The following MCM8 variants were observed in gnomAD, a reference collection of about 807,000 sequenced individuals.
The protein encoded by MCM8 is minichromosome maintenance 8 homologous recombination repair factor.
Under a neutral mutation model 98.9 loss-of-function variants are expected in MCM8, and 85 were observed. The observed-to-expected ratio is 0.86, with a 90% confidence interval of 0.72 to 1.03. The LOEUF (loss-of-function observed/expected upper bound fraction) is 1.03, where lower values mean the gene tolerates loss of function less well. Among genes scored for constraint, MCM8 ranks in the 50% least tolerant of loss-of-function variants. The pLI, the probability that MCM8 is intolerant of heterozygous loss-of-function variation, is 0.00. For missense variants in MCM8, 951 were observed against 997.8 expected (o/e 0.95, Z 0.63); for synonymous variants, 352 against 338.6 (o/e 1.04, Z -0.44).
rs1337958501 is a variant in MCM8 at position 5,995,373 on chromosome 20, A to G, written c.*982A>G. The G allele has an allele frequency of 6.6e-6, 1 of 152,230 alleles. No individual in the cohort carries two copies. Among genetic ancestry groups the G allele is most frequent in the Non-Finnish European group, 1.5e-5 (1 of 68,068 alleles). 9.4% of individuals were successfully genotyped at this position (152,230 alleles called of 1,614,324 possible). A position where few individuals can be genotyped will look rare whatever the true frequency, so the allele number is the denominator to read the frequency against. ...CCAGGAGGGTAAGCTTCCAGCAGCA[A>G]TTTGTAAAACCATGCCTTAGAATTG... On this transcript the variant is annotated 3_prime_UTR_variant, in exon 19 of 19. Transcript: ENST00000610722.
chr20:5,994,000 T>C (rs912879905), intron 18 of MCM8: 2 of 351,612 alleles, frequency 5.7e-6, no homozygotes, highest in Non-Finnish European at 1.0e-5. Context: ...ACTTCAAACA[T>C]GGGCTGTTAC....
chr20:5,953,438 GGTGTGT>G lies in MCM8; in HGVS notation c.253+938_253+943del, dbSNP rs11470045. 2.8e-3 allele frequency among the ~76,000 whole-genome samples: 411 copies of G among 146,192 alleles called. 3 individuals carry two copies. The highest frequency in any genetic ancestry group is 7.5e-3 in the African/African-American group (296 of 39,472). ...CATTTGTTTCTTATGTCTCATGAGG[GGTGTGT>G]GTGTGTGTGTGTGTGTGTGTGTGTG... On this transcript the variant is annotated intron_variant, in intron 3 of 18. Coordinates refer to ENST00000610722, the MANE Select transcript of MCM8 (RefSeq NM_032485.6).
intron 12 of MCM8, among the ~76,000 whole-genome samples, chr20:5,975,236 G>T (rs931012323): frequency 2.0e-5 from 3 of 151,576 alleles, no homozygotes; most frequent in Admixed American, 6.6e-5. Flanking sequence ...CCCAGCCTGG[G>T]CAATAGAGCA....
rs751189778 is a variant in MCM8, at chr20:5,985,016, C to A, written c.1953+16C>A. The A allele has an allele frequency of 2.5e-6, 4 of 1,597,694 alleles. No individual in the cohort carries two copies. In the East Asian group the frequency reaches 8.9e-5, roughly 36 times the overall value. On this transcript the variant is annotated intron_variant, in intron 15 of 18. Transcript: ENST00000610722. Reference sequence around the variant, plus strand: ...AAGACTAAAGGTATAAATGTTTCTTCTCCTTATTCAGTTTGGTTCTGTTTG... The same window carrying A: ...AAGACTAAAGGTATAAATGTTTCTTATCCTTATTCAGTTTGGTTCTGTTTG...
At chr20:5,977,137 A>T (rs2089528006) in intron 12 of MCM8, among the ~76,000 whole-genome samples, 1 of 152,268 alleles carries the variant, frequency 6.6e-6, no homozygotes, top group Admixed American at 6.5e-5. Flanking sequence ...TTATTGAGCC[A>T]GCAGCATAGG....
intron 8 of MCM8, 28 bp downstream of exon 8, chr20:5,963,387 G>A (rs200710884): frequency 6.4e-7 from 1 of 1,555,526 alleles, no homozygotes; most frequent in Non-Finnish European, 8.9e-7. Flanking sequence ...TACATAAAAG[G>A]CAGGCTTTAG....
At chr20:5,958,100 C>T (rs559351935) in intron 6 of MCM8, among the ~76,000 whole-genome samples, 4 of 152,240 alleles carry the variant, frequency 2.6e-5, no homozygotes, top group South Asian at 2.1e-4. Flanking sequence ...TGGCTGGGCA[C>T]GGTGGCTCAT....
At position 5,967,586 on chromosome 20, in the gene MCM8, A is replaced by G. The variant is rs1371425649; in HGVS notation, c.1026A>G (p.Glu342=). 6.2e-7 allele frequency: 1 copy of G among 1,610,430 alleles called. No individual in the cohort carries two copies. Among genetic ancestry groups the G allele is most frequent in the South Asian group, 1.1e-5 (1 of 90,678 alleles). ...TTGTCAAAGTCTCAAATGCGGAAGA[A>G]GGTAGGGTACAACTCTTTTCATTAT... ...TGIVKVSNAE[E]GSRNKNDKCM... Residue 342 remains glutamate (E), a splice_region_variant and synonymous_variant, in exon 9 of 19, where the codon GAA becomes GAG. Transcript: ENST00000610722.
At chr20:5,954,199 C>T (rs1017351138) in intron 3 of MCM8, among the ~76,000 whole-genome samples, 2 of 151,650 alleles carry the variant, frequency 1.3e-5, no homozygotes, top group African/African-American at 2.4e-5. Flanking sequence ...GTTGGTCTGT[C>T]TCCTGATCTC....
chr20:5,972,263 G>A (rs2089420439), intron 11 of MCM8, among the ~76,000 whole-genome samples: 1 of 151,048 alleles, frequency 6.6e-6, no homozygotes, highest in African/African-American at 2.4e-5. Flanking sequence ...AGAGTGTGAT[G>A]GCACAGTCAT....
intron 8 of MCM8, chr20:5,965,534 C>G (rs1425722553): frequency 6.6e-6 from 1 of 152,138 alleles, no homozygotes; most frequent in African/African-American, 2.4e-5. Flanking sequence ...GTAAATATAG[C>G]TCAACAAAGA....
rs1448354366 is a variant in MCM8, at chr20:5,977,920, C to G, written c.1440C>G (p.Asn480Lys). The change falls in exon 13 of 19, where the codon AAC becomes AAG. Residue 480 changes from asparagine to lysine, a missense_variant. Transcript: ENST00000610722. ...CACGTGGCGTGTATGTTTGTGGTAA[C>G]ACCACGACCACCTCTGGTCTGACGG... ...VAPRGVYVCG[N>K]TTTTSGLTVT... 6.2e-7 allele frequency: 1 copy of G among 1,614,098 alleles called. No individual in the cohort carries two copies. Among genetic ancestry groups the G allele is most frequent in the African/African-American group, 1.3e-5 (1 of 74,928 alleles).
In MCM8 at chr20:5,983,280, T is replaced by C. The variant is rs1434243744; in HGVS notation, c.1733+115T>C. 4 of 905,598 alleles carry C rather than the reference T, an allele frequency of 4.4e-6. No homozygotes were observed. In the African/African-American group the frequency reaches 5.1e-5, roughly 12 times the overall value. 56.1% of individuals were successfully genotyped at this position (905,598 alleles called of 1,614,324 possible). A position where few individuals can be genotyped will look rare whatever the true frequency, so the allele number is the denominator to read the frequency against. On this transcript the variant is annotated intron_variant, in intron 14 of 18. Transcript: ENST00000610722. Reference sequence around the variant, plus strand: ...AAACATGGATATTTCACAGAAGTTATAAATGTCCAATAAATGCACAAAAAT... The same window carrying C: ...AAACATGGATATTTCACAGAAGTTACAAATGTCCAATAAATGCACAAAAAT...
Position 5,994,668 on chromosome 20 carries a change from G to T in MCM8, c.*277G>T. On this transcript the variant is annotated 3_prime_UTR_variant, in exon 19 of 19. Coordinates refer to ENST00000610722, the MANE Select transcript of MCM8 (RefSeq NM_032485.6). ...AATCACAGTGACTCAGGAGGCTGAGGTGAGAGGATTCCTTGAGGCCAGGGT... is the reference window on the plus strand; with the variant it reads ...AATCACAGTGACTCAGGAGGCTGAGTTGAGAGGATTCCTTGAGGCCAGGGT... The T allele has an allele frequency of 2.1e-6, 1 of 483,844 alleles. No individual in the cohort carries two copies. The highest frequency in any genetic ancestry group is 3.9e-6 in the Non-Finnish European group (1 of 254,852). 30.0% of individuals were successfully genotyped at this position (483,844 alleles called of 1,614,324 possible).
rs2089197831 is a variant in MCM8 at position 5,963,373 on chromosome 20, CTG to C, written c.875+16_875+17del. 1 of 1,605,240 alleles carries C rather than the reference CTG, an allele frequency of 6.2e-7. No individual in the cohort carries two copies. The highest frequency in any genetic ancestry group is 8.5e-7 in the Non-Finnish European group (1 of 1,172,486). ...GCAGTCAATCAAGTAAGCGATCAGA[CTG>C]TTACATAAAAGGCAGGCTTTAGATG... is the stretch of plus-strand genomic sequence containing the variant. On this transcript the variant is annotated intron_variant, in intron 8 of 18. Coordinates refer to ENST00000610722, the MANE Select transcript of MCM8 (RefSeq NM_032485.6).
Position 5,984,999 on chromosome 20 carries a change from AGG to A in MCM8, c.1953_1953+1del. 1 of 1,610,596 alleles carries A rather than the reference AGG, an allele frequency of 6.2e-7. No individual in the cohort carries two copies. Among genetic ancestry groups the A allele is most frequent in the East Asian group, 2.2e-5 (1 of 44,846 alleles). On this transcript the variant is annotated splice_donor_variant and coding_sequence_variant, in exon 15 of 19. Transcript: ENST00000610722. LOFTEE classifies it high-confidence loss of function. Reference sequence around the variant, plus strand: ...GAGAAGCCATTATCAGAAAGACTAAAGGTATAAATGTTTCTTCTCCTTATTCA... The same window carrying A: ...GAGAAGCCATTATCAGAAAGACTAAATATAAATGTTTCTTCTCCTTATTCA...
chr20:5,951,125 G>T (rs1568564033), intron 1 of MCM8, 102 bp downstream of exon 1: 1 of 152,272 alleles, frequency 6.6e-6, no homozygotes, highest in East Asian at 1.9e-4. Flanking sequence ...ACTTCTTAAC[G>T]TTTTTTTGAA....
rs1018333384 is a variant in MCM8 at position 5,994,627 on chromosome 20, C to G, written c.*236C>G. On this transcript the variant is annotated 3_prime_UTR_variant, in exon 19 of 19. Coordinates refer to ENST00000610722, the MANE Select transcript of MCM8 (RefSeq NM_032485.6). Reference sequence around the variant, plus strand: ...TAAGAAGTGATAAAGTCTCCAGATGCAGTAGCTCACACTGTAATCACAGTG... The same window carrying G: ...TAAGAAGTGATAAAGTCTCCAGATGGAGTAGCTCACACTGTAATCACAGTG... 8.2e-6 allele frequency: 4 copies of G among 485,948 alleles called. No individual in the cohort carries two copies. The Admixed American group carries it at 1.3e-4, about 16-fold the overall frequency. 30.1% of individuals were successfully genotyped at this position (485,948 alleles called of 1,614,324 possible). A position where few individuals can be genotyped will look rare whatever the true frequency, so the allele number is the denominator to read the frequency against.
rs1568567892 is a variant in MCM8 at position 5,954,705 on chromosome 20, C to T, written c.336+15C>T. 2 of 1,455,880 alleles carry T rather than the reference C, an allele frequency of 1.4e-6. No homozygotes were observed. The highest frequency in any genetic ancestry group is 9.6e-7 in the Non-Finnish European group (1 of 1,038,316). The allele number at this position is 1,455,880 out of a possible 1,614,324, so 90.2% of individuals were successfully genotyped here. On this transcript the variant is annotated intron_variant, in intron 4 of 18. Coordinates refer to ENST00000610722, the MANE Select transcript of MCM8 (RefSeq NM_032485.6). ...TGTATGACAAGGTAAGATTCCTCTACAGCAAAGCTACCAGTCATGTGCCAT... is the reference window on the plus strand; with the variant it reads ...TGTATGACAAGGTAAGATTCCTCTATAGCAAAGCTACCAGTCATGTGCCAT...
Sources: gnomAD v4.1 joint callset for allele counts (sites outside exome capture counted in the v4.1 genomes callset) on GRCh38, gnomAD v4.1.1 for gene constraint, MANE v1.5 for transcripts, NCBI Gene and HGNC (gene_info 2026-07-23, HGNC 2026-07-21) for gene names.